The following GPA33 variants were observed in gnomAD, a reference collection of about 807,000 sequenced individuals.
GPA33 encodes the protein glycoprotein A33.
Under a neutral mutation model 35.6 loss-of-function variants are expected in GPA33, and 27 were observed. The observed-to-expected ratio is 0.76, with a 90% CI of 0.56 to 1.04. The LOEUF is 1.04. Ranked by LOEUF, GPA33 falls within the 50% of genes least tolerant of loss-of-function variation. The pLI, the probability that GPA33 is intolerant of heterozygous loss-of-function variation, is 0.00. For synonymous variants in GPA33, 176 were observed against 164.0 expected (o/e 1.07, Z -0.56); for missense variants, 428 against 411.9 (o/e 1.04, Z -0.34).
In GPA33 at chr1:167,054,080, G is replaced by A. The variant is rs1181038379; in HGVS notation, c.*254C>T. The A allele has an allele frequency of 2.0e-6, 1 of 509,926 alleles. No homozygotes were observed. The highest frequency in any genetic ancestry group is 3.6e-5 in the East Asian group (1 of 28,076). 31.6% of individuals were successfully genotyped at this position (509,926 alleles called of 1,614,324 possible). A position where few individuals can be genotyped will look rare whatever the true frequency, so the allele number is the denominator to read the frequency against. On this transcript the variant is annotated 3_prime_UTR_variant, in exon 7 of 7. Transcript: ENST00000367868. Reference sequence around the variant, plus strand: ...AGTGGAGGCTGCAGCCTGGTCTTGAGTGAGGGCCAGGCCCGCACCAGGTGT... The same window carrying A: ...AGTGGAGGCTGCAGCCTGGTCTTGAATGAGGGCCAGGCCCGCACCAGGTGT...
chr1:167,075,090 G>A (rs1458653933), intron 1 of GPA33, among the ~76,000 whole-genome samples: 3 of 151,572 alleles, frequency 2.0e-5, no homozygotes, highest in Non-Finnish European at 2.9e-5. Flanking sequence ...TAGTAGAGAT[G>A]GGGTTTCACC....
intron 2 of GPA33, among the ~76,000 whole-genome samples, chr1:167,072,080 A>G (rs1157582627): frequency 1.3e-5 from 2 of 152,294 alleles, no homozygotes; most frequent in Admixed American, 6.5e-5. Flanking sequence ...CAGTCGGGAC[A>G]GGTGGCTATG....
intron 1 of GPA33, among the ~76,000 whole-genome samples, chr1:167,085,892 A>G (rs1442003160): frequency 6.6e-6 from 1 of 152,172 alleles, no homozygotes; most frequent in Non-Finnish European, 1.5e-5. Context: ...CTTTTCAAAA[A>G]CCAGAGAGAA....
Position 167,053,266 on chromosome 1 carries a change from T to C in GPA33, c.*1068A>G, listed in dbSNP as rs1298062225. 6.6e-6 allele frequency: 1 copy of C among 152,280 alleles called. No individual in the cohort carries two copies. Among genetic ancestry groups the C allele is most frequent in the African/African-American group, 2.4e-5 (1 of 41,466 alleles). The allele number at this position is 152,280 out of a possible 1,614,324, so 9.4% of individuals were successfully genotyped here. On this transcript the variant is annotated 3_prime_UTR_variant, in exon 7 of 7. Transcript: ENST00000367868. The stretch of plus-strand genomic sequence containing the variant: ...AGAGGAATTACCAGGACACAAGAAC[T>C]CAGACCATCTGCAAGCAAGCTCCCT...
At chr1:167,081,006 T>C (rs1032258217) in intron 1 of GPA33, among the ~76,000 whole-genome samples, 1 of 151,998 alleles carries the variant, frequency 6.6e-6, no homozygotes, top group Admixed American at 6.5e-5. Flanking sequence ...AGATGAGAAG[T>C]GGAGTCTGCA....
At chr1:167,077,162 C>T (rs1165356027) in intron 1 of GPA33, among the ~76,000 whole-genome samples, 2 of 151,568 alleles carry the variant, frequency 1.3e-5, no homozygotes, top group African/African-American at 2.4e-5. Flanking sequence ...GCTGAGATTG[C>T]ACCACTGCAC....
intron 6 of GPA33, among the ~76,000 whole-genome samples, chr1:167,054,738 A>C (rs1169859774): frequency 1.3e-5 from 2 of 152,162 alleles, no homozygotes; most frequent in Non-Finnish European, 2.9e-5. Flanking sequence ...ACTTGGCTCT[A>C]GTCATGCCAC....
chr1:167,059,060 T>C lies in GPA33; in HGVS notation c.572-3211A>G, dbSNP rs189871458. Among the ~76,000 whole-genome samples, 45 of 152,274 alleles carry C rather than the reference T, an allele frequency of 3.0e-4. No homozygotes were observed. In the South Asian group the frequency reaches 7.7e-3, roughly 26 times the overall value. ...AGCACACTGCAGACAGTCAGGACTT[T>C]TTTAGTTGTCAGAGTCCAGCTTTGA... On this transcript the variant is annotated intron_variant, in intron 4 of 6. Transcript: ENST00000367868.
At chr1:167,078,146 C>T (rs1199635064) in intron 1 of GPA33, among the ~76,000 whole-genome samples, 1 of 152,220 alleles carries the variant, frequency 6.6e-6, no homozygotes. Flanking sequence ...CCACATCACA[C>T]CCCTCAATCT....
chr1:167,062,974 A>C (rs1430007768), intron 4 of GPA33, among the ~76,000 whole-genome samples: 1 of 152,152 alleles, frequency 6.6e-6, no homozygotes, highest in Non-Finnish European at 1.5e-5. Context: ...AATCCTACCC[A>C]TGCTTTTGCA....
chr1:167,066,782 C>T lies in GPA33; in HGVS notation c.415+2140G>A, dbSNP rs1297768278. Among the ~76,000 whole-genome samples, 5 of 152,206 alleles carry T rather than the reference C, an allele frequency of 3.3e-5. No individual in the cohort carries two copies. In the South Asian group the frequency reaches 1.0e-3, roughly 31 times the overall value. On this transcript the variant is annotated intron_variant, in intron 3 of 6. Transcript: ENST00000367868. ...GGTGCCAAGGCCTCTCCGAAGCCTG[C>T]GACTCCCGCTACAGACGTCAGGGGG...
At chr1:167,070,747 T>C (rs1412958359) in intron 2 of GPA33, among the ~76,000 whole-genome samples, 4 of 152,024 alleles carry the variant, frequency 2.6e-5, no homozygotes, top group African/African-American at 9.7e-5. Flanking sequence ...TCAGATAAGG[T>C]TGTGGCAATG....
intron 1 of GPA33, among the ~76,000 whole-genome samples, chr1:167,078,957 C>T (rs147513745): frequency 1.0e-3 from 158 of 152,260 alleles, no homozygotes; most frequent in African/African-American, 3.6e-3. Context: ...CATATTGAGC[C>T]ACTTCTGCTT....
intron 4 of GPA33, among the ~76,000 whole-genome samples, chr1:167,056,155 T>C (rs765345674): frequency 8.5e-5 from 13 of 152,194 alleles, no homozygotes; most frequent in Non-Finnish European, 1.9e-4. Flanking sequence ...GAAATAATAG[T>C]ACCTGCCTCA....
intron 1 of GPA33, 133 bp from the exon 2 acceptor site, chr1:167,073,672 G>C: frequency 1.3e-6 from 1 of 742,702 alleles, no homozygotes; most frequent in South Asian, 1.8e-5. Flanking sequence ...AGCCATCTTG[G>C]CCACCTTGGC....
At chr1:167,074,228 G>A (rs1293748187) in intron 1 of GPA33, among the ~76,000 whole-genome samples, 1 of 151,640 alleles carries the variant, frequency 6.6e-6, no homozygotes, top group African/African-American at 2.4e-5. Context: ...CCTTCTCTTC[G>A]AGCCTGGGTG....
At chr1:167,082,671 C>T (rs1029587305) in intron 1 of GPA33, among the ~76,000 whole-genome samples, 6 of 152,154 alleles carry the variant, frequency 3.9e-5, no homozygotes, top group Non-Finnish European at 8.8e-5. Flanking sequence ...CACCTGTTCC[C>T]CAAATGCAGA....
chr1:167,055,742 C>CATGATCTTG lies in GPA33; in HGVS notation c.678_679insCAAGATCAT (p.Val226_Ala227insGlnAspHis). The CATGATCTTG allele has an allele frequency of 6.2e-7, 1 of 1,614,026 alleles. No individual in the cohort carries two copies. Among genetic ancestry groups the CATGATCTTG allele is most frequent in the African/African-American group, 1.3e-5 (1 of 75,046 alleles). ...AGGCTGCTCTTACGAGATCTGACGG[C>CATGATCTTG]CACCGTGATGTTGCAGAACTGCGTC... On this transcript the variant is annotated inframe_insertion, in exon 5 of 7. Transcript: ENST00000367868.
At chr1:167,068,174 T>A (rs1401904206) in intron 3 of GPA33, among the ~76,000 whole-genome samples, 1 of 152,108 alleles carries the variant, frequency 6.6e-6, no homozygotes, top group African/African-American at 2.4e-5. Context: ...GGAAAAAAGA[T>A]CTTTGTTTTG....
Sources: allele counts gnomAD v4.1 joint callset (sites outside exome capture counted in the v4.1 genomes callset), GRCh38; gene constraint gnomAD v4.1.1; transcripts MANE v1.5; gene names NCBI Gene and HGNC (gene_info 2026-07-23, HGNC 2026-07-21).